LITAF: variants seen among roughly 807,000 people sequenced by gnomAD.
LITAF encodes the protein lipopolysaccharide induced TNF factor.
In LITAF, 9 loss-of-function variants were observed where a neutral mutation model predicts 14.5. That is an observed-to-expected ratio of 0.62 (90% confidence interval 0.37 to 1.08). LITAF has a LOEUF of 1.08. Ranked by LOEUF, LITAF falls within the 50% of genes least tolerant of loss-of-function variation. The pLI is 0.01. For missense variants in LITAF, 206 were observed against 213.4 expected (o/e 0.97, Z 0.22); for synonymous variants, 98 against 88.2 (o/e 1.11, Z -0.62).
At chr16:11,572,337 C>G (rs1597348118) in intron 1 of LITAF, among the ~76,000 whole-genome samples, 1 of 152,096 alleles carries the variant, frequency 6.6e-6, no homozygotes, top group South Asian at 2.1e-4. Flanking sequence ...AGACAACACC[C>G]CGAGTCCTCA....
At chr16:11,615,876 A>G (rs1295484490) in intron 3 of LITAF, among the ~76,000 whole-genome samples, 1 of 152,140 alleles carries the variant, frequency 6.6e-6, no homozygotes, top group Non-Finnish European at 1.5e-5. Context: ...GGGTACCTAG[A>G]TAGCTTTGGA....
chr16:11,554,787 CA>C (rs56346206), intron 2 of LITAF, among the ~76,000 whole-genome samples: 25,079 of 64,924 alleles, frequency 0.39, 2,101 homozygotes, highest in East Asian at 0.47. Flanking sequence ...GACTCTACCT[CA>C]AAAAAAAAAA....
upstream of LITAF, among the ~76,000 whole-genome samples, chr16:11,589,301 G>A (rs1446463415): frequency 6.6e-6 from 1 of 152,084 alleles, no homozygotes; most frequent in Non-Finnish European, 1.5e-5. Flanking sequence ...TCAACCTTAG[G>A]GCTTCTATGA....
upstream of LITAF, among the ~76,000 whole-genome samples, chr16:11,636,566 T>C (rs1000665550): frequency 2.0e-5 from 3 of 152,228 alleles, no homozygotes; most frequent in Non-Finnish European, 2.9e-5. Context: ...TCTTTTATTA[T>C]GCAGATGAGC....
chr16:11,589,016 A>G (rs1411869429), upstream of LITAF, among the ~76,000 whole-genome samples: 1 of 152,132 alleles, frequency 6.6e-6, no homozygotes, highest in Non-Finnish European at 1.5e-5. Context: ...CTGAGCAGCA[A>G]CAGGAGCCAG....
chr16:11,614,328 C>T (rs1295283155), intron 3 of LITAF, among the ~76,000 whole-genome samples: 1 of 141,046 alleles, frequency 7.1e-6, no homozygotes, highest in East Asian at 2.1e-4. Context: ...GAGACAGAGT[C>T]TCACTCTGTC....
chr16:11,580,602 A>G (rs1412010944), intron 1 of LITAF, among the ~76,000 whole-genome samples: 2 of 152,102 alleles, frequency 1.3e-5, no homozygotes, highest in Non-Finnish European at 2.9e-5. Flanking sequence ...ACACCTGGTC[A>G]CAAGCCATCA....
Position 11,632,198 on chromosome 16 carries a change from C to T in LITAF, c.85+1335G>A, listed in dbSNP as rs1351364352. Among the ~76,000 whole-genome samples, 4 of 152,162 alleles carry T rather than the reference C, an allele frequency of 2.6e-5. No homozygotes were observed. Among genetic ancestry groups the T allele is most frequent in the Non-Finnish European group, 5.9e-5 (4 of 68,036 alleles). ...AGAACCTATTTTCAAATCAGGTCAC[C>T]TTCACAAGTGCTGGGAGTTACGTCG... On this transcript the variant is annotated intron_variant, in intron 3 of 3. Coordinates refer to the LITAF transcript ENST00000574848. This position sits in a 1 kb window ranked among gnomAD's most constrained non-coding sequence, Gnocchi z 4.8.
upstream of LITAF, among the ~76,000 whole-genome samples, chr16:11,589,104 T>C (rs906795812): frequency 3.3e-5 from 5 of 152,180 alleles, no homozygotes; most frequent in African/African-American, 9.7e-5. Context: ...TATAAGACTG[T>C]AACTCTTTTC....
intron 1 of LITAF, among the ~76,000 whole-genome samples, chr16:11,568,288 G>GA (rs35115784): frequency 5.1e-3 from 585 of 115,602 alleles, no homozygotes; most frequent in African/African-American, 0.011. Flanking sequence ...ACCCTGTCTC[G>GA]AAAAAAAAAA....
intron 3 of LITAF, among the ~76,000 whole-genome samples, chr16:11,551,250 T>A (rs997324684): frequency 2.0e-5 from 3 of 152,130 alleles, no homozygotes; most frequent in African/African-American, 7.2e-5. Flanking sequence ...ATAAGGGCAG[T>A]CAATCCATTC....
intron 3 of LITAF, among the ~76,000 whole-genome samples, chr16:11,628,896 G>A (rs1051627427): frequency 6.6e-6 from 1 of 152,122 alleles, no homozygotes; most frequent in South Asian, 2.1e-4. Flanking sequence ...GGCTGGTCTC[G>A]AACTCCTGAC....
intron 1 of LITAF, among the ~76,000 whole-genome samples, chr16:11,578,414 C>T (rs745752124): frequency 6.6e-6 from 1 of 152,050 alleles, no homozygotes; most frequent in African/African-American, 2.4e-5. Flanking sequence ...GCCTGTAATC[C>T]CAGCTACTCA....
upstream of LITAF, among the ~76,000 whole-genome samples, chr16:11,602,082 G>T (rs760745178): frequency 6.6e-6 from 1 of 152,196 alleles, no homozygotes; most frequent in Non-Finnish European, 1.5e-5. Flanking sequence ...CAATGGGGCC[G>T]GGTGCAGTGG....
chr16:11,552,624 A>G (rs903367266), intron 3 of LITAF, among the ~76,000 whole-genome samples: 31 of 152,176 alleles, frequency 2.0e-4, no homozygotes, highest in Non-Finnish European at 3.7e-4. Flanking sequence ...GCGTGGTTTC[A>G]GCAGATAAGC....
intron 1 of LITAF, among the ~76,000 whole-genome samples, chr16:11,585,006 G>A (rs933669005): frequency 6.6e-6 from 1 of 152,132 alleles, no homozygotes; most frequent in Non-Finnish European, 1.5e-5. Context: ...TCAGAAGTTC[G>A]AAAACAGCCT....
intron 1 of LITAF, among the ~76,000 whole-genome samples, chr16:11,592,346 C>T (rs1313666884): frequency 6.6e-6 from 1 of 151,962 alleles, no homozygotes; most frequent in Non-Finnish European, 1.5e-5. Context: ...GAGACTGAGG[C>T]GGGCGGCTCA....
rs1232527671 is a variant in LITAF, at chr16:11,558,282, G to A, written c.-5-1547C>T. On this transcript the variant is annotated intron_variant, in intron 1 of 3. Coordinates refer to ENST00000622633, the MANE Select transcript of LITAF (RefSeq NM_001136472.2). This position sits in a 1 kb window ranked among gnomAD's most constrained non-coding sequence, Gnocchi z 4.1. ...AAGAAAGGGTATTCACCTCAAAGTG[G>A]AAACAGAGACCAGGTGCGGTGGCTC... Among the ~76,000 whole-genome samples the A allele has an allele frequency of 6.6e-6, 1 of 152,160 alleles. No individual in the cohort carries two copies.
intron 3 of LITAF, among the ~76,000 whole-genome samples, chr16:11,633,355 C>A (rs1007299591): frequency 6.6e-6 from 1 of 152,160 alleles, no homozygotes; most frequent in African/African-American, 2.4e-5. Flanking sequence ...GGGTTTGAAC[C>A]AGAGCAACTC....
Sources: gnomAD v4.1 joint callset for allele counts (sites outside exome capture counted in the v4.1 genomes callset) on GRCh38, gnomAD v4.1.1 for gene constraint, Gnocchi (gnomAD v3.1) non-coding constraint, MANE v1.5 for transcripts, NCBI Gene and HGNC (gene_info 2026-07-23, HGNC 2026-07-21) for gene names.